Variants in CTIF observed in about 807,000 individuals in gnomAD.
The protein encoded by CTIF is cap binding complex dependent translation initiation factor, also known as CBP80/20-dependent translation initiation factor.
CTIF carries 21 observed loss-of-function variants against 66.0 expected under a neutral mutation model. That is an observed-to-expected ratio of 0.32 (90% CI 0.23 to 0.46). The LOEUF is 0.46. Among genes scored for constraint, CTIF ranks in the 20% least tolerant of loss-of-function variants. The pLI is 1.00. For synonymous variants in CTIF, 345 were observed against 326.4 expected (o/e 1.06, Z -0.62); for missense variants, 739 against 812.7 (o/e 0.91, Z 1.10).
At chr18:48,669,672 A>G (rs889948404) in intron 5 of CTIF, among the ~76,000 whole-genome samples, 19 of 151,054 alleles carry the variant, frequency 1.3e-4, no homozygotes, top group Non-Finnish European at 2.7e-4. Context: ...TGTTATTATT[A>G]CCAGTATTTA....
At chr18:48,576,422 G>T (rs935718452) in intron 1 of CTIF, among the ~76,000 whole-genome samples, 1 of 152,212 alleles carries the variant, frequency 6.6e-6, no homozygotes, top group African/African-American at 2.4e-5. Flanking sequence ...TGGCCTTTTG[G>T]TTCATCTGCG....
At chr18:48,630,660 CTTTTT>C (rs373006892) in intron 2 of CTIF, among the ~76,000 whole-genome samples, 2 of 142,028 alleles carry the variant, frequency 1.4e-5, no homozygotes, top group African/African-American at 5.2e-5. Context: ...TTGTCTCTAG[CTTTTT>C]TTTTTTTTTT....
chr18:48,834,636 G>A (rs2078131), intron 10 of CTIF: 39,057 of 152,624 alleles, frequency 0.26, 5,146 homozygotes, highest in African/African-American at 0.33. Flanking sequence ...GCCCAATCTA[G>A]TCTGACCTTC....
chr18:48,614,389 G>A (rs1177189287), intron 1 of CTIF, among the ~76,000 whole-genome samples: 1 of 152,224 alleles, frequency 6.6e-6, no homozygotes, highest in Admixed American at 6.5e-5. Flanking sequence ...GACTCAGAGG[G>A]ATCGTTGTAC....
intron 1 of CTIF, among the ~76,000 whole-genome samples, chr18:48,580,602 A>G (rs1231927723): frequency 2.0e-5 from 3 of 152,098 alleles, no homozygotes; most frequent in Non-Finnish European, 2.9e-5. Context: ...TGGGAGCACC[A>G]CACTACTACT....
At chr18:48,854,805 C>G (rs2069288278) in intron 10 of CTIF, among the ~76,000 whole-genome samples, 1 of 152,128 alleles carries the variant, frequency 6.6e-6, no homozygotes, top group Admixed American at 6.5e-5. Flanking sequence ...CACCTGTGGT[C>G]CCATCTACGC....
At chr18:48,641,606 G>A (rs953093913) in intron 3 of CTIF, among the ~76,000 whole-genome samples, 1 of 152,202 alleles carries the variant, frequency 6.6e-6, no homozygotes, top group South Asian at 2.1e-4. Flanking sequence ...AGCATAAAGA[G>A]AGTCAAAGAG....
intron 8 of CTIF, chr18:48,760,184 T>TC: frequency 6.7e-6 from 1 of 148,158 alleles, no homozygotes; most frequent in African/African-American, 2.5e-5. Flanking sequence ...TTCAGCCCTT[T>TC]CTTTTTTTTT....
chr18:48,627,004 A>G (rs922470960), intron 2 of CTIF, among the ~76,000 whole-genome samples: 1 of 152,196 alleles, frequency 6.6e-6, no homozygotes, highest in Non-Finnish European at 1.5e-5. Flanking sequence ...CAAAGTAACA[A>G]TTGGAAAAAC....
chr18:48,619,399 C>T (rs1431795006), intron 1 of CTIF, 139 bp from the exon 2 acceptor site: 1 of 550,910 alleles, frequency 1.8e-6, no homozygotes, highest in African/African-American at 1.9e-5. Context: ...CCCTCGCTGA[C>T]TTCTCAGGGT....
At chr18:48,819,345 C>T (rs1443940739) in intron 10 of CTIF, among the ~76,000 whole-genome samples, 1 of 152,228 alleles carries the variant, frequency 6.6e-6, no homozygotes, top group Admixed American at 6.5e-5. Flanking sequence ...CCCATCCTTG[C>T]CTGCATTGCC....
chr18:48,634,486 G>T (rs1287868145), intron 2 of CTIF, among the ~76,000 whole-genome samples: 1 of 152,328 alleles, frequency 6.6e-6, no homozygotes, highest in South Asian at 2.1e-4. Context: ...CAGGTAGCTA[G>T]TACCAACTCT....
chr18:48,623,426 G>A (rs2090533497), intron 2 of CTIF, among the ~76,000 whole-genome samples: 1 of 152,158 alleles, frequency 6.6e-6, no homozygotes, highest in South Asian at 2.1e-4. Flanking sequence ...AGGGACGGCT[G>A]TGGCCCACTC....
chr18:48,709,538 C>T (rs1237382491), intron 6 of CTIF, among the ~76,000 whole-genome samples: 5 of 152,246 alleles, frequency 3.3e-5, no homozygotes, highest in African/African-American at 9.6e-5. Flanking sequence ...TCCCTCTGCC[C>T]GGCCTCAGAG....
At chr18:48,562,505 C>CT (rs1486414582) in intron 1 of CTIF, among the ~76,000 whole-genome samples, 1 of 152,226 alleles carries the variant, frequency 6.6e-6, no homozygotes, top group Non-Finnish European at 1.5e-5. Context: ...TCCCCCTTGC[C>CT]TGTTGACTCT....
chr18:48,774,231 T>C (rs1910449788), intron 9 of CTIF, among the ~76,000 whole-genome samples: 1 of 152,140 alleles, frequency 6.6e-6, no homozygotes, highest in Non-Finnish European at 1.5e-5. Flanking sequence ...AGGTCTTCCC[T>C]CTCTGGGCCC....
chr18:48,550,384 C>T (rs1417600321), intron 1 of CTIF, among the ~76,000 whole-genome samples: 1 of 152,228 alleles, frequency 6.6e-6, no homozygotes, highest in East Asian at 1.9e-4. Context: ...CAGCTGTGGC[C>T]TGCACATTCT....
intron 9 of CTIF, among the ~76,000 whole-genome samples, chr18:48,780,547 C>A (rs549248076): frequency 1.3e-5 from 2 of 152,312 alleles, no homozygotes; most frequent in African/African-American, 4.8e-5. Flanking sequence ...GGCACACGCA[C>A]CTCTGCCGCG....
intron 10 of CTIF, among the ~76,000 whole-genome samples, chr18:48,848,890 A>T (rs1296888263): frequency 6.6e-6 from 1 of 152,248 alleles, no homozygotes; most frequent in Non-Finnish European, 1.5e-5. Context: ...AGACAATAGG[A>T]CAGGAATGCA....
Sources: gnomAD v4.1 joint callset for allele counts (sites outside exome capture counted in the v4.1 genomes callset) on GRCh38, gnomAD v4.1.1 for gene constraint, MANE v1.5 for transcripts, NCBI Gene and HGNC (gene_info 2026-07-23, HGNC 2026-07-21) for gene names.